Variants in AGMO observed in about 807,000 individuals in gnomAD.
AGMO encodes the protein alkylglycerol monooxygenase.
In AGMO, 75 loss-of-function variants were observed where a neutral mutation model predicts 60.2. The ratio of observed to expected loss-of-function variants is 1.25; its 90% CI spans 1.03 to 1.51. AGMO has a LOEUF of 1.51. Ranked by LOEUF, AGMO falls within the 40% of genes most tolerant of loss-of-function variation. AGMO has a pLI of 0.00. For synonymous variants in AGMO, 261 were observed against 177.1 expected (o/e 1.47, Z -3.76); for missense variants, 763 against 525.5 (o/e 1.45, Z -4.42).
intron 12 of AGMO, among the ~76,000 whole-genome samples, chr7:15,346,384 G>A (rs79328320): frequency 2.6e-5 from 4 of 151,888 alleles, no homozygotes; most frequent in African/African-American, 9.7e-5. Flanking sequence ...TTGTAGATTT[G>A]TTTTTTCATG....
chr7:15,259,899 CAAAAAAAAAAAAAAAAA>C (rs71549927), intron 12 of AGMO, among the ~76,000 whole-genome samples: 1 of 9,398 alleles, frequency 1.1e-4, no homozygotes, highest in Non-Finnish European at 1.7e-4. Flanking sequence ...ACAAGAACTG[CAAAAAAAAAAAAAAAAA>C]AAAAAAAAAA....
chr7:15,425,977 T>C (rs1781051850), intron 4 of AGMO, among the ~76,000 whole-genome samples: 1 of 152,212 alleles, frequency 6.6e-6, no homozygotes, highest in Non-Finnish European at 1.5e-5. Flanking sequence ...CTAAACTCTT[T>C]GAAAGCAGTT....
chr7:15,392,862 C>T (rs577509015), intron 6 of AGMO, among the ~76,000 whole-genome samples: 2 of 152,258 alleles, frequency 1.3e-5, no homozygotes, highest in South Asian at 2.1e-4. Context: ...TACTGAACAT[C>T]ATAGCTTCGC....
chr7:15,271,965 C>T (rs943961099), intron 12 of AGMO, among the ~76,000 whole-genome samples: 2 of 152,068 alleles, frequency 1.3e-5, no homozygotes, highest in African/African-American at 4.8e-5. Flanking sequence ...CAGTGGGTCA[C>T]ATTTATTGAT....
chr7:15,554,139 T>C (rs1254751943), intron 2 of AGMO, among the ~76,000 whole-genome samples: 1 of 152,060 alleles, frequency 6.6e-6, no homozygotes, highest in East Asian at 1.9e-4. Flanking sequence ...AGCACCTACA[T>C]TTTCAAAAAT....
intron 12 of AGMO, among the ~76,000 whole-genome samples, chr7:15,290,398 C>G (rs895415077): frequency 6.6e-5 from 10 of 152,058 alleles, no homozygotes; most frequent in African/African-American, 2.4e-4. Flanking sequence ...AGAAAATTTT[C>G]TAGGATATAT....
intron 12 of AGMO, among the ~76,000 whole-genome samples, chr7:15,232,245 C>T (rs1782283061): frequency 6.6e-6 from 1 of 152,192 alleles, no homozygotes; most frequent in African/African-American, 2.4e-5. Flanking sequence ...AAATTTCAAT[C>T]TCCTTCTTAC....
the AGMO span, among the ~76,000 whole-genome samples, chr7:15,184,041 C>A: frequency 6.6e-6 from 1 of 152,182 alleles, no homozygotes; most frequent in African/African-American, 2.4e-5. Flanking sequence ...TGGGAAAGCA[C>A]CCTTTTATTT....
chr7:15,398,457 C>T (rs532769423), intron 5 of AGMO, among the ~76,000 whole-genome samples: 15 of 152,238 alleles, frequency 9.9e-5, no homozygotes, highest in African/African-American at 3.6e-4. Context: ...GGGAAGACCA[C>T]CTCTGAGTGA....
intron 3 of AGMO, among the ~76,000 whole-genome samples, chr7:15,484,873 A>G (rs1350463238): frequency 6.6e-6 from 1 of 152,184 alleles, no homozygotes; most frequent in Non-Finnish European, 1.5e-5. Flanking sequence ...AAACTTGTTT[A>G]AATAGTTTTA....
At chr7:15,140,603 G>T in the AGMO span, among the ~76,000 whole-genome samples, 1 of 151,698 alleles carries the variant, frequency 6.6e-6, no homozygotes, top group East Asian at 1.9e-4. Context: ...CATATTGTTA[G>T]TAATTTCTTC....
chr7:15,382,330 G>C (rs1410217460), intron 10 of AGMO, among the ~76,000 whole-genome samples: 8 of 152,038 alleles, frequency 5.3e-5, no homozygotes. Flanking sequence ...TGCTGATTTT[G>C]TCCAGGTATA....
chr7:15,132,694 G>A, the AGMO span, among the ~76,000 whole-genome samples: 4 of 152,130 alleles, frequency 2.6e-5, no homozygotes, highest in African/African-American at 4.8e-5. Context: ...AGATCAACTG[G>A]GGTGAGCTGA....
intron 3 of AGMO, among the ~76,000 whole-genome samples, chr7:15,458,168 A>G (rs1195752099): frequency 1.3e-5 from 2 of 152,122 alleles, no homozygotes; most frequent in Non-Finnish European, 2.9e-5. Context: ...CTACAGCCCA[A>G]AAAAGACATC....
At chr7:15,167,541 A>C in the AGMO span, among the ~76,000 whole-genome samples, 4 of 152,226 alleles carry the variant, frequency 2.6e-5, no homozygotes, top group African/African-American at 9.6e-5. Context: ...AAAGAAAAAA[A>C]TATCACGGAA....
intron 12 of AGMO, among the ~76,000 whole-genome samples, chr7:15,277,137 A>G (rs1783820803): frequency 2.6e-5 from 4 of 151,800 alleles, no homozygotes; most frequent in Non-Finnish European, 4.4e-5. Context: ...GCAAAACCCT[A>G]TCTCTAGTAA....
At chr7:15,340,820 G>GA (rs1165931910) in intron 12 of AGMO, among the ~76,000 whole-genome samples, 1 of 152,132 alleles carries the variant, frequency 6.6e-6, no homozygotes, top group Non-Finnish European at 1.5e-5. Flanking sequence ...ATGTGGGGTT[G>GA]GTGCCCCCAC....
intron 3 of AGMO, among the ~76,000 whole-genome samples, chr7:15,441,409 A>G (rs1244720981): frequency 2.0e-5 from 3 of 152,242 alleles, no homozygotes; most frequent in Admixed American, 6.5e-5. Flanking sequence ...GGTTGTCAGC[A>G]CTAACATTAA....
intron 2 of AGMO, among the ~76,000 whole-genome samples, chr7:15,557,154 G>T (rs1325737617): frequency 2.6e-5 from 4 of 151,940 alleles, no homozygotes; most frequent in Non-Finnish European, 4.4e-5. Context: ...AAAAAACATG[G>T]TTTTTCTTCA....
Sources: gnomAD v4.1 joint callset for allele counts (sites outside exome capture counted in the v4.1 genomes callset) on GRCh38, gnomAD v4.1.1 for gene constraint, MANE v1.5 for transcripts, NCBI Gene and HGNC (gene_info 2026-07-23, HGNC 2026-07-21) for gene names.